The following CPEB3 variants were observed in gnomAD, a reference collection of about 807,000 sequenced individuals.
CPEB3 encodes cytoplasmic polyadenylation element-binding protein 3.
Under a neutral mutation model 67.2 loss-of-function variants are expected in CPEB3, and 20 were observed. That is an observed-to-expected ratio of 0.30 (90% CI 0.21 to 0.43). CPEB3 has a LOEUF of 0.43. Ranked by LOEUF, CPEB3 falls within the 20% of genes least tolerant of loss-of-function variation. CPEB3 has a pLI of 1.00. For synonymous variants in CPEB3, 376 were observed against 393.1 expected (o/e 0.96, Z 0.51); for missense variants, 746 against 968.6 (o/e 0.77, Z 3.05).
At chr10:92,288,428 C>T (rs2135134012) in intron 1 of CPEB3, among the ~76,000 whole-genome samples, 2 of 146,658 alleles carry the variant, frequency 1.4e-5, no homozygotes, top group East Asian at 2.0e-4. Flanking sequence ...GCACTCCAGC[C>T]TGGATGACAA....
chr10:92,192,742 G>A, intron 2 of CPEB3, 106 bp from the exon 3 acceptor site: 1 of 774,324 alleles, frequency 1.3e-6, no homozygotes, highest in South Asian at 2.5e-5. Context: ...GAAAGTTACA[G>A]AGAGCCCCAA....
chr10:92,176,805 A>G (rs947497150), intron 4 of CPEB3, among the ~76,000 whole-genome samples: 3 of 152,368 alleles, frequency 2.0e-5, no homozygotes, highest in South Asian at 4.1e-4. Flanking sequence ...TTAGGCATCA[A>G]TCCTACACAA....
chr10:92,058,935 C>G (rs1842224285), intron 9 of CPEB3, among the ~76,000 whole-genome samples: 1 of 152,106 alleles, frequency 6.6e-6, no homozygotes, highest in Non-Finnish European at 1.5e-5. Flanking sequence ...CAAAGTAAGT[C>G]TTAAAACATT....
chr10:92,099,637 T>C (rs1844073460), intron 7 of CPEB3, among the ~76,000 whole-genome samples: 2 of 149,536 alleles, frequency 1.3e-5, no homozygotes, highest in South Asian at 2.1e-4. Context: ...GTGGATCACC[T>C]GAGGTCAGGA....
chr10:92,197,668 C>T (rs968532512), intron 2 of CPEB3, among the ~76,000 whole-genome samples: 2 of 152,206 alleles, frequency 1.3e-5, no homozygotes, highest in Admixed American at 1.3e-4. Context: ...CTCACCTCCA[C>T]TGCATTAGTC....
chr10:92,188,189 C>T (rs1251789949), intron 3 of CPEB3, among the ~76,000 whole-genome samples: 1 of 151,696 alleles, frequency 6.6e-6, no homozygotes, highest in Non-Finnish European at 1.5e-5. Flanking sequence ...GAGCAAGAAC[C>T]TGTCTCAAAA....
intron 1 of CPEB3, among the ~76,000 whole-genome samples, chr10:92,270,104 C>A (rs149228751): frequency 5.9e-5 from 9 of 152,204 alleles, no homozygotes; most frequent in Non-Finnish European, 1.3e-4. Context: ...TCACTGAGAG[C>A]CTATGCAAGG....
intron 4 of CPEB3, among the ~76,000 whole-genome samples, chr10:92,180,178 A>C (rs777368552): frequency 1.4e-4 from 21 of 151,166 alleles, no homozygotes; most frequent in Admixed American, 2.0e-4. Context: ...GTGTTAATTA[A>C]TATAATGACT....
chr10:92,227,749 G>A (rs1478114056), intron 2 of CPEB3, among the ~76,000 whole-genome samples: 4 of 151,462 alleles, frequency 2.6e-5, no homozygotes, highest in African/African-American at 7.3e-5. Context: ...CCGCTACCTC[G>A]CCCGGCTAAT....
chr10:92,104,133 G>A (rs906713213), intron 7 of CPEB3, among the ~76,000 whole-genome samples: 4 of 150,610 alleles, frequency 2.7e-5, no homozygotes, highest in Non-Finnish European at 6.0e-5. Flanking sequence ...TTTCTCAAAT[G>A]ATTTTGGCTA....
At chr10:92,254,065 C>T (rs1324484170) in intron 1 of CPEB3, among the ~76,000 whole-genome samples, 2 of 152,008 alleles carry the variant, frequency 1.3e-5, no homozygotes, top group East Asian at 3.9e-4. Flanking sequence ...CTTATCTCTA[C>T]AAAATATTTA....
intron 6 of CPEB3, among the ~76,000 whole-genome samples, chr10:92,141,431 T>C (rs1381812552): frequency 1.5e-5 from 2 of 137,280 alleles, no homozygotes; most frequent in African/African-American, 5.6e-5. Context: ...AATTGAACAA[T>C]GAGAACACAT....
chr10:92,108,806 T>C (rs1353397604), intron 7 of CPEB3, among the ~76,000 whole-genome samples: 2 of 152,182 alleles, frequency 1.3e-5, no homozygotes, highest in African/African-American at 4.8e-5. Flanking sequence ...TACTAATTAT[T>C]TTCAAAAGTC....
chr10:92,060,898 C>T (rs1368860785), intron 9 of CPEB3, among the ~76,000 whole-genome samples: 1 of 152,176 alleles, frequency 6.6e-6, no homozygotes, highest in Non-Finnish European at 1.5e-5. Flanking sequence ...AAAGGGAACC[C>T]TTGTACACTG....
rs1035403421 is a variant in CPEB3, at chr10:92,189,698, A to ATTT, written c.1165+2776_1165+2778dup. Among the ~76,000 whole-genome samples, 265 of 88,044 alleles carry ATTT rather than the reference A, an allele frequency of 3.0e-3. 22 individuals carry two copies. The highest frequency in any genetic ancestry group is 8.7e-3 in the African/African-American group (199 of 22,760). 57.8% of individuals were successfully genotyped at this position (88,044 alleles called of 152,430 possible). On this transcript the variant is annotated intron_variant, in intron 3 of 9. Transcript: ENST00000265997. ...ACCTCTAGGTAGAGAGTCTCTAGTGATTTTTTTTTTTTTTTTTTTTTTTTT... is the reference window on the plus strand; with the variant it reads ...ACCTCTAGGTAGAGAGTCTCTAGTGATTTTTTTTTTTTTTTTTTTTTTTTTTTT...
At chr10:92,085,612 T>C (rs1198451065) in intron 8 of CPEB3, among the ~76,000 whole-genome samples, 1 of 152,196 alleles carries the variant, frequency 6.6e-6, no homozygotes, top group Non-Finnish European at 1.5e-5. Context: ...TTTTCTTTTT[T>C]CTTTTTCTTT....
chr10:92,064,186 G>A (rs1842465093), intron 9 of CPEB3, among the ~76,000 whole-genome samples: 1 of 152,158 alleles, frequency 6.6e-6, no homozygotes, highest in Non-Finnish European at 1.5e-5. Flanking sequence ...TGGGTGTGAA[G>A]GGCAGAAGAG....
chr10:92,203,153 G>C (rs999921132), intron 2 of CPEB3, among the ~76,000 whole-genome samples: 8 of 151,030 alleles, frequency 5.3e-5, no homozygotes, highest in Non-Finnish European at 1.2e-4. Flanking sequence ...GTGTTAGCCA[G>C]AATGGTCTTG....
At chr10:92,073,040 T>TC (rs1842809531) in intron 9 of CPEB3, among the ~76,000 whole-genome samples, 1 of 29,452 alleles carries the variant, frequency 3.4e-5, no homozygotes, top group South Asian at 6.2e-4. Context: ...ATCTCTGTCT[T>TC]TTTTTTTTTT....
Sources: gnomAD v4.1 joint callset for allele counts (sites outside exome capture counted in the v4.1 genomes callset) on GRCh38, gnomAD v4.1.1 for gene constraint, MANE v1.5 for transcripts, NCBI Gene and HGNC (gene_info 2026-07-23, HGNC 2026-07-21) for gene names.